PLCE1: variants seen among roughly 807,000 people sequenced by gnomAD.
PLCE1 encodes the protein 1-phosphatidylinositol 4,5-bisphosphate phosphodiesterase epsilon-1.
A neutral mutation model predicts 242.8 loss-of-function variants in PLCE1; 119 were observed. The ratio of observed to expected loss-of-function variants is 0.49; its 90% CI spans 0.42 to 0.57. PLCE1 has a LOEUF of 0.57. Ranked by LOEUF, PLCE1 falls within the 20% of genes least tolerant of loss-of-function variation. PLCE1 has a pLI of 0.00. For synonymous variants in PLCE1, 945 were observed against 1,017.4 expected, an observed-to-expected ratio of 0.93 and a Z score of 1.35; for missense variants, 2,441 against 2,788.8, an observed-to-expected ratio of 0.88 and a Z score of 2.81.
intron 4 of PLCE1, among the ~76,000 whole-genome samples, chr10:94,222,648 T>C (rs4388804): frequency 0.65 from 98,311 of 152,072 alleles, 32,068 homozygotes; most frequent in East Asian, 0.93. Context: ...GGCCAGGGCG[T>C]GAGTACAAGG....
intron 13 of PLCE1, among the ~76,000 whole-genome samples, chr10:94,261,278 C>T (rs1021721109): frequency 6.6e-6 from 1 of 152,200 alleles, no homozygotes; most frequent in African/African-American, 2.4e-5. Flanking sequence ...GCGTCTTTCA[C>T]TTAGCAATAT....
intron 9 of PLCE1, among the ~76,000 whole-genome samples, chr10:94,253,417 G>A (rs996746799): frequency 2.0e-5 from 3 of 152,098 alleles, no homozygotes; most frequent in African/African-American, 7.2e-5. Flanking sequence ...GCAGTGGTGT[G>A]ATCATGGCTC....
intron 2 of PLCE1, among the ~76,000 whole-genome samples, chr10:94,097,170 G>T (rs1387735772): frequency 6.6e-6 from 1 of 152,138 alleles, no homozygotes; most frequent in African/African-American, 2.4e-5. Context: ...ATAAATAGAG[G>T]TTTGTTTACA....
At chr10:94,217,657 T>C (rs2049575902) in intron 4 of PLCE1, among the ~76,000 whole-genome samples, 1 of 152,222 alleles carries the variant, frequency 6.6e-6, no homozygotes, top group Admixed American at 6.5e-5. Context: ...TAACTAGACA[T>C]GGTATTTGCA....
chr10:94,031,224 CTT>C lies in PLCE1; in HGVS notation c.179_180del (p.Leu60GlnfsTer23), dbSNP rs1444802341. 4 of 1,613,676 alleles carry C rather than the reference CTT, an allele frequency of 2.5e-6. No homozygotes were observed. Among genetic ancestry groups the C allele is most frequent in the Non-Finnish European group, 3.4e-6 (4 of 1,179,852 alleles). ...TCATACCATCTCACAACTGAACAAA[CTT>C]AAAGAAGAACCTTCTGGAAGCAACT... ...TSHTISQLNK[L>X]KEEPSGSNLP... On this transcript the variant is annotated frameshift_variant, in exon 2 of 33. Transcript: ENST00000371380. LOFTEE classifies it high-confidence loss of function.
intron 3 of PLCE1, among the ~76,000 whole-genome samples, chr10:94,133,011 C>T (rs527897792): frequency 5.6e-5 from 8 of 143,534 alleles, no homozygotes; most frequent in Non-Finnish European, 1.1e-4. Context: ...ATGGTTAAAA[C>T]GCTATCTTTA....
At chr10:94,232,775 A>G (rs2050189080) in intron 5 of PLCE1, among the ~76,000 whole-genome samples, 3 of 152,066 alleles carry the variant, frequency 2.0e-5, no homozygotes, top group Admixed American at 2.0e-4. Flanking sequence ...CTCCTGACTC[A>G]CAGGAAATAG....
intron 4 of PLCE1, among the ~76,000 whole-genome samples, chr10:94,195,559 C>T (rs1451415337): frequency 1.3e-5 from 2 of 152,026 alleles, no homozygotes; most frequent in Admixed American, 1.3e-4. Flanking sequence ...TAACACTTCA[C>T]TTGGTGATTT....
At chr10:94,288,205 G>A (rs915639955) in intron 22 of PLCE1, among the ~76,000 whole-genome samples, 1 of 152,118 alleles carries the variant, frequency 6.6e-6, no homozygotes, top group East Asian at 1.9e-4. Flanking sequence ...ATACCCACCA[G>A]GTAGTTTTTC....
intron 18 of PLCE1, among the ~76,000 whole-genome samples, chr10:94,272,023 A>C (rs2051763632): frequency 6.6e-6 from 1 of 152,204 alleles, no homozygotes; most frequent in South Asian, 2.1e-4. Flanking sequence ...GGGCAAAATC[A>C]GAAACTCCTG....
At chr10:94,182,883 A>G (rs2048356323) in intron 4 of PLCE1, among the ~76,000 whole-genome samples, 1 of 152,226 alleles carries the variant, frequency 6.6e-6, no homozygotes. Flanking sequence ...TGAGACTGGT[A>G]GAAACAATAA....
At chr10:94,038,494 G>A (rs188316837) in intron 2 of PLCE1, among the ~76,000 whole-genome samples, 17 of 152,118 alleles carry the variant, frequency 1.1e-4, no homozygotes, top group Non-Finnish European at 5.9e-5. Context: ...TAACCCCAAG[G>A]CTCAGTCCCT....
At chr10:94,201,208 T>C (rs563887941) in intron 4 of PLCE1, among the ~76,000 whole-genome samples, 1 of 152,322 alleles carries the variant, frequency 6.6e-6, no homozygotes, top group African/African-American at 2.4e-5. Context: ...CTTGCTATTT[T>C]TCTATAAATC....
chr10:94,011,509 C>T (rs992245830), intron 1 of PLCE1, among the ~76,000 whole-genome samples: 16 of 152,156 alleles, frequency 1.1e-4, no homozygotes, highest in African/African-American at 2.9e-4. Context: ...CACAACAGGA[C>T]GCTGTCAGTG....
rs183551620 is a variant in PLCE1, at chr10:94,298,052, T to C, written c.5168-327T>C. The stretch of plus-strand genomic sequence containing the variant: ...GGGTTTTTTGTTTGGTTTTATTTTA[T>C]TTTTTTACTTTTTGTAGAGATGGGC... On this transcript the variant is annotated intron_variant, in intron 23 of 32. Transcript: ENST00000371380. This position sits in a 1 kb window ranked among gnomAD's most constrained non-coding sequence, Gnocchi z 5.2. Among the ~76,000 whole-genome samples the C allele has an allele frequency of 1.3e-5, 2 of 152,124 alleles. No individual in the cohort carries two copies. The highest frequency in any genetic ancestry group is 2.9e-5 in the Non-Finnish European group (2 of 68,018).
At position 94,319,864 on chromosome 10, in the gene PLCE1, C is replaced by CTTTTT. The variant is rs58610099; in HGVS notation, c.6343-2018_6343-2014dup. Among the ~76,000 whole-genome samples, 184 of 92,914 alleles carry CTTTTT rather than the reference C, an allele frequency of 2.0e-3. 10 individuals are homozygous for CTTTTT. The highest frequency in any genetic ancestry group is 5.7e-3 in the African/African-American group (152 of 26,748). The allele number at this position is 92,914 out of a possible 152,430, so 61.0% of individuals were successfully genotyped here. A position where few individuals can be genotyped will look rare whatever the true frequency, so the allele number is the denominator to read the frequency against. On this transcript the variant is annotated intron_variant, in intron 29 of 32. Coordinates refer to ENST00000371380, the MANE Select transcript of PLCE1 (RefSeq NM_016341.4). ...GCTCTGAGGGAGGCTCAAAGGTGCT[C>CTTTTT]TTTTTTTTTTTTTTTTTTTTTTTGA... is the stretch of plus-strand genomic sequence containing the variant.
chr10:94,256,856 G>C (rs990032487), intron 11 of PLCE1, among the ~76,000 whole-genome samples: 1 of 152,188 alleles, frequency 6.6e-6, no homozygotes, highest in African/African-American at 2.4e-5. Context: ...ATGCTATTAA[G>C]GGAGAAAGCT....
intron 4 of PLCE1, among the ~76,000 whole-genome samples, chr10:94,180,132 C>T (rs1256534495): frequency 6.6e-6 from 1 of 152,102 alleles, no homozygotes. Context: ...GCATTCTTGG[C>T]TCATCTGCTT....
At position 94,246,478 on chromosome 10, in the gene PLCE1, T is replaced by C. The variant is rs777078366; in HGVS notation, c.2953T>C (p.Leu985=). Reference sequence around the variant, plus strand: ...TGGGCTTCAGACCACAGACAACAGATTATTGCACTTCGTGGCACCAAAGCA... The same window carrying C: ...TGGGCTTCAGACCACAGACAACAGACTATTGCACTTCGTGGCACCAAAGCA... ...LYGLQTTDNR[L]LHFVAPKHTA... is the part of the protein sequence containing the mutation. The change falls in exon 8 of 33, where the codon TTA becomes CTA. Residue 985 remains leucine (L), a synonymous_variant. Transcript: ENST00000371380. 2.5e-6 allele frequency: 4 copies of C among 1,614,182 alleles called. No homozygotes were observed. Among genetic ancestry groups the C allele is most frequent in the African/African-American group, 2.7e-5 (2 of 75,042 alleles).
Sources: allele counts gnomAD v4.1 joint callset (sites outside exome capture counted in the v4.1 genomes callset), GRCh38; gene constraint gnomAD v4.1.1; non-coding constraint Gnocchi (gnomAD v3.1); transcripts MANE v1.5; gene names NCBI Gene and HGNC (gene_info 2026-07-23, HGNC 2026-07-21).